CALU: variants seen among roughly 807,000 people sequenced by gnomAD.
CALU encodes calumenin.
CALU carries 13 observed loss-of-function variants against 37.5 expected under a neutral mutation model. The ratio of observed to expected loss-of-function variants is 0.35; its 90% CI spans 0.23 to 0.55. The LOEUF (loss-of-function observed/expected upper bound fraction) is 0.55. Ranked by LOEUF, CALU falls within the 20% of genes least tolerant of loss-of-function variation. The pLI is 0.89. For missense variants in CALU, 282 were observed against 391.7 expected, an observed-to-expected ratio of 0.72 and a Z score of 2.36; for synonymous variants, 114 against 133.8, an observed-to-expected ratio of 0.85 and a Z score of 1.02.
In CALU at chr7:128,769,662, A is replaced by G. The variant is rs1338937629; in HGVS notation, c.*495A>G. ...AGAGAACACTTAGTCTTGCCTGTCA[A>G]AAAGTCCAACATTTCATAGGTAGTA... is the stretch of plus-strand genomic sequence containing the variant. On this transcript the variant is annotated 3_prime_UTR_variant, in exon 7 of 7. Transcript: ENST00000249364. The G allele has an allele frequency of 6.6e-6, 1 of 152,452 alleles. No individual in the cohort carries two copies. Among genetic ancestry groups the G allele is most frequent in the Non-Finnish European group, 1.5e-5 (1 of 68,188 alleles). The allele number at this position is 152,452 out of a possible 1,614,324, so 9.4% of individuals were successfully genotyped here.
intron 6 of CALU, 23 bp downstream of exon 6, chr7:128,767,678 G>A (rs374114486): frequency 1.2e-5 from 19 of 1,591,652 alleles, no homozygotes; most frequent in Admixed American, 8.4e-5. Context: ...AGGCCCACAC[G>A]CTCTATCCTT....
chr7:128,744,396 G>A (rs1484461428), intron 1 of CALU, among the ~76,000 whole-genome samples: 3 of 151,976 alleles, frequency 2.0e-5, no homozygotes, highest in Non-Finnish European at 4.4e-5. Context: ...TTTTTGGTAT[G>A]GATGGTGTTT....
intron 1 of CALU, chr7:128,747,749 A>T (rs1800503548): frequency 6.6e-6 from 1 of 152,150 alleles, no homozygotes; most frequent in Admixed American, 6.6e-5. Flanking sequence ...GTTTTTTGTC[A>T]CATTTTTCAG....
chr7:128,754,411 T>C lies in CALU; in HGVS notation c.371T>C (p.Val124Ala). ...CATGACCTCAATGAGGACGGCCTCG[T>C]TTCCTGGGAGGAGTATAAAAATGCC... ...KGHDLNEDGL[V>A]SWEEYKNATY... The change falls in exon 3 of 7, where the codon GTT (valine) becomes GCT (alanine). Residue 124 changes from valine to alanine, a missense_variant. Val to Ala is a moderately conservative substitution (Grantham distance 64, BLOSUM62 0). Coordinates refer to ENST00000249364, the MANE Select transcript of CALU (RefSeq NM_001219.5). The C allele has an allele frequency of 6.2e-7, 1 of 1,614,086 alleles. No homozygotes were observed. The highest frequency in any genetic ancestry group is 8.5e-7 in the Non-Finnish European group (1 of 1,179,994).
At chr7:128,766,054 T>G (rs1045829308) in intron 5 of CALU, among the ~76,000 whole-genome samples, 2 of 152,166 alleles carry the variant, frequency 1.3e-5, no homozygotes, top group African/African-American at 4.8e-5. Context: ...CCTCTGGGGT[T>G]CAAGCGATTC....
rs1467319715 is a variant in CALU, at chr7:128,772,743, C to G, written c.*3576C>G. ...GACCTTATTCTCTGTATCACCAAAG[C>G]CTTGCACAATGCTTTGTACCCAGAA... On this transcript the variant is annotated 3_prime_UTR_variant, in exon 7 of 7. Transcript: ENST00000249364. The G allele has an allele frequency of 6.8e-5, 107 of 1,575,540 alleles. No individual in the cohort carries two copies. The highest frequency in any genetic ancestry group is 8.5e-5 in the Non-Finnish European group (97 of 1,146,634).
At chr7:128,755,772 T>C (rs1800859365) in intron 3 of CALU, among the ~76,000 whole-genome samples, 2 of 152,186 alleles carry the variant, frequency 1.3e-5, no homozygotes. Context: ...CTGTTGTACA[T>C]GGTTACAGTT....
intron 2 of CALU, among the ~76,000 whole-genome samples, chr7:128,752,902 C>T (rs1201075422): frequency 6.6e-6 from 1 of 152,154 alleles, no homozygotes; most frequent in Non-Finnish European, 1.5e-5. Context: ...CCAGGCTGGT[C>T]TCGAATTCCT....
chr7:128,765,715 T>C (rs556272127), intron 5 of CALU, among the ~76,000 whole-genome samples: 1 of 152,258 alleles, frequency 6.6e-6, no homozygotes, highest in African/African-American at 2.4e-5. Flanking sequence ...TATTTTTAAA[T>C]GCATTTCTTT....
At chr7:128,742,414 T>A (rs1334233657) in intron 1 of CALU, among the ~76,000 whole-genome samples, 2 of 152,126 alleles carry the variant, frequency 1.3e-5, no homozygotes, top group African/African-American at 2.4e-5. Flanking sequence ...CACACCCATT[T>A]CTCCCAATTG....
intron 3 of CALU, among the ~76,000 whole-genome samples, chr7:128,755,830 C>G (rs1184065658): frequency 6.6e-6 from 1 of 152,152 alleles, no homozygotes; most frequent in Admixed American, 6.5e-5. Context: ...GGTACTTTCT[C>G]CATTTTAATC....
intron 5 of CALU, among the ~76,000 whole-genome samples, chr7:128,761,144 A>T (rs1358278851): frequency 6.6e-6 from 1 of 151,992 alleles, no homozygotes; most frequent in Non-Finnish European, 1.5e-5. Flanking sequence ...TAGTTGTCTA[A>T]ATTTTTTTAA....
chr7:128,747,787 A>T (rs115338285), intron 1 of CALU: 3 of 152,432 alleles, frequency 2.0e-5, no homozygotes, highest in Non-Finnish European at 4.4e-5. Context: ...GTGCTTGTTC[A>T]TTAGAGTCAC....
At chr7:128,754,500 C>T (rs750416117) in intron 3 of CALU, 45 bp downstream of exon 3, 2 of 1,600,228 alleles carry the variant, frequency 1.2e-6, no homozygotes, top group Non-Finnish European at 8.5e-7. Flanking sequence ...GGAGCTGGCA[C>T]CTTGAAACGT....
Position 128,772,461 on chromosome 7 carries a change from G to C in CALU, c.*3294G>C. 1 of 1,560,308 alleles carries C rather than the reference G, an allele frequency of 6.4e-7. No homozygotes were observed. ...TCTTTTTTGTGTTTTTAGTAGTTTGGTTTCTGACGGAGACAATAGAAACTT... is the reference window on the plus strand; with the variant it reads ...TCTTTTTTGTGTTTTTAGTAGTTTGCTTTCTGACGGAGACAATAGAAACTT... On this transcript the variant is annotated 3_prime_UTR_variant, in exon 7 of 7. Coordinates refer to ENST00000249364, the MANE Select transcript of CALU (RefSeq NM_001219.5).
chr7:128,756,618 C>G (rs1379851626), intron 3 of CALU, among the ~76,000 whole-genome samples: 2 of 152,132 alleles, frequency 1.3e-5, no homozygotes, highest in Admixed American at 6.5e-5. Context: ...AACACTGTCT[C>G]TGCCACAAGG....
At chr7:128,745,377 T>G (rs917333859) in intron 1 of CALU, among the ~76,000 whole-genome samples, 1 of 152,208 alleles carries the variant, frequency 6.6e-6, no homozygotes, top group Non-Finnish European at 1.5e-5. Flanking sequence ...CCCAGCACTT[T>G]GGGAGGCCAG....
intron 5 of CALU, among the ~76,000 whole-genome samples, chr7:128,764,375 G>T (rs10215105): frequency 0.055 from 8,342 of 152,084 alleles, 760 homozygotes; most frequent in African/African-American, 0.19. Flanking sequence ...GCAGTGCACC[G>T]TTATTGTACC....
At position 128,758,810 on chromosome 7, in the gene CALU, C is replaced by T. The variant is rs1800987551; in HGVS notation, c.416-61C>T. On this transcript the variant is annotated intron_variant, in intron 3 of 6. Coordinates refer to ENST00000249364, the MANE Select transcript of CALU (RefSeq NM_001219.5). ...CTTTATTGGAAATTGATTTCCCACC[C>T]CACACATTTTCATGTTTTCTGAAAG... is the stretch of plus-strand genomic sequence containing the variant. 6 of 1,163,610 alleles carry T rather than the reference C, an allele frequency of 5.2e-6. No individual in the cohort carries two copies. In the Admixed American group the frequency reaches 1.2e-4, roughly 22 times the overall value. The allele number at this position is 1,163,610 out of a possible 1,614,324, so 72.1% of individuals were successfully genotyped here.
Sources: gnomAD v4.1 joint callset for allele counts (sites outside exome capture counted in the v4.1 genomes callset) on GRCh38, gnomAD v4.1.1 for gene constraint, MANE v1.5 for transcripts, NCBI Gene and HGNC (gene_info 2026-07-23, HGNC 2026-07-21) for gene names.